Variants in LAMC1 observed in about 807,000 individuals in gnomAD.
The protein encoded by LAMC1 is laminin subunit gamma-1.
LAMC1 carries 38 observed loss-of-function variants against 173.6 expected under a neutral mutation model. The observed-to-expected ratio is 0.22, with a 90% CI of 0.17 to 0.29. The LOEUF is 0.29. Ranked by LOEUF, LAMC1 falls within the 10% of genes least tolerant of loss-of-function variation. The pLI is 1.00. For missense variants in LAMC1, 1,824 were observed against 2,051.8 expected, an observed-to-expected ratio of 0.89 and a Z score of 2.14; for synonymous variants, 746 against 749.1, an observed-to-expected ratio of 1.00 and a Z score of 0.07.
chr1:183,125,328 G>C, intron 14 of LAMC1, 69 bp from the exon 15 acceptor site: 4 of 1,542,040 alleles, frequency 2.6e-6, no homozygotes, highest in Non-Finnish European at 3.6e-6. Context: ...AATCTCTTTA[G>C]GTTGTTTATA....
intron 1 of LAMC1, among the ~76,000 whole-genome samples, chr1:183,058,375 C>A (rs1654653214): frequency 6.6e-6 from 1 of 151,988 alleles, no homozygotes; most frequent in Non-Finnish European, 1.5e-5. Context: ...TGATAAAGAC[C>A]CATCTATGGT....
intron 4 of LAMC1, among the ~76,000 whole-genome samples, chr1:183,113,577 G>A (rs1271044004): frequency 6.6e-6 from 1 of 152,166 alleles, no homozygotes; most frequent in Admixed American, 6.5e-5. Flanking sequence ...ATATGGTTGT[G>A]CCCTGCAGGG....
In LAMC1 at chr1:183,103,461, C is replaced by T. The variant is rs754985806; in HGVS notation, c.552C>T (p.Asn184=). ...PYQYYSGSCE[N]TYSKANRGFI... ...AGTACTACAGTGGTTCCTGTGAGAA[C>T]ACCTACTCCAAGGCAAACCGCGGCT... The change falls in exon 2 of 28, where the codon AAC becomes AAT. Residue 184 remains asparagine, a synonymous_variant. Transcript: ENST00000258341. 1.2e-6 allele frequency: 2 copies of T among 1,614,200 alleles called. No homozygotes were observed. Among genetic ancestry groups the T allele is most frequent in the Non-Finnish European group, 8.5e-7 (1 of 1,180,038 alleles).
intron 1 of LAMC1, among the ~76,000 whole-genome samples, chr1:183,032,632 C>T (rs1174253412): frequency 2.0e-5 from 3 of 152,182 alleles, no homozygotes; most frequent in Non-Finnish European, 4.4e-5. Context: ...AAGTGATCCT[C>T]TTGCCTTGGC....
intron 1 of LAMC1, among the ~76,000 whole-genome samples, chr1:183,090,088 T>G (rs1478581929): frequency 2.6e-5 from 4 of 152,242 alleles, no homozygotes; most frequent in Admixed American, 6.5e-5. Context: ...TTCTCAGAAC[T>G]TTTTTGTCTA....
At chr1:183,121,630 T>A in intron 11 of LAMC1, 93 bp from the exon 12 acceptor site, 1 of 1,046,562 alleles carries the variant, frequency 9.6e-7, no homozygotes, top group Admixed American at 2.6e-5. Flanking sequence ...TTCTCTGGAA[T>A]TTGGGGTCTA....
intron 11 of LAMC1, among the ~76,000 whole-genome samples, chr1:183,120,712 A>T (rs565817179): frequency 1.3e-5 from 2 of 152,366 alleles, no homozygotes; most frequent in South Asian, 4.1e-4. Flanking sequence ...GTCTAAGGCA[A>T]TATAAGGTTT....
intron 1 of LAMC1, among the ~76,000 whole-genome samples, chr1:183,098,608 GCT>G: frequency 6.6e-6 from 1 of 152,190 alleles, no homozygotes; most frequent in East Asian, 1.9e-4. Flanking sequence ...CTTTACATTG[GCT>G]ATTATAAAGT....
At chr1:183,100,870 G>T (rs1655818583) in intron 1 of LAMC1, among the ~76,000 whole-genome samples, 1 of 152,176 alleles carries the variant, frequency 6.6e-6, no homozygotes, top group Admixed American at 6.5e-5. Context: ...AAGAAAGGTA[G>T]CCCTGCAAAT....
intron 21 of LAMC1, 32 bp from the exon 22 acceptor site, chr1:183,133,374 A>G: frequency 6.3e-7 from 1 of 1,583,974 alleles, no homozygotes; most frequent in Non-Finnish European, 8.6e-7. Context: ...AGCAGCTAAG[A>G]TTGTCATTAA....
chr1:183,104,395 A>G (rs558658626), intron 2 of LAMC1, among the ~76,000 whole-genome samples: 2 of 152,256 alleles, frequency 1.3e-5, no homozygotes, highest in South Asian at 2.1e-4. Context: ...TGTCCTGGCT[A>G]TTTGATTATG....
intron 1 of LAMC1, among the ~76,000 whole-genome samples, chr1:183,037,188 G>A (rs1654006161): frequency 6.6e-6 from 1 of 152,328 alleles, no homozygotes; most frequent in Non-Finnish European, 1.5e-5. Flanking sequence ...TGAATTTCAG[G>A]ATGAGGTCCT....
intron 1 of LAMC1, among the ~76,000 whole-genome samples, chr1:183,097,292 T>C (rs1655718033): frequency 6.6e-6 from 1 of 152,216 alleles, no homozygotes; most frequent in Non-Finnish European, 1.5e-5. Flanking sequence ...GTGCTACAAC[T>C]TTATTAAAGT....
At chr1:183,058,382 T>C (rs1654653635) in intron 1 of LAMC1, among the ~76,000 whole-genome samples, 1 of 152,224 alleles carries the variant, frequency 6.6e-6, no homozygotes, top group African/African-American at 2.4e-5. Flanking sequence ...GACCCATCTA[T>C]GGTTATTTCA....
intron 1 of LAMC1, among the ~76,000 whole-genome samples, chr1:183,043,147 A>G (rs1166737548): frequency 6.6e-6 from 1 of 152,152 alleles, no homozygotes; most frequent in Non-Finnish European, 1.5e-5. Context: ...TTAACCATTA[A>G]TTAGGTGTCC....
chr1:183,038,741 C>T (rs1010580444), intron 1 of LAMC1, among the ~76,000 whole-genome samples: 9 of 152,144 alleles, frequency 5.9e-5, no homozygotes, highest in African/African-American at 1.4e-4. Context: ...TCAAAATCCT[C>T]GACCATTTTA....
chr1:183,127,749 A>G (rs1656660607), intron 17 of LAMC1, among the ~76,000 whole-genome samples: 1 of 152,204 alleles, frequency 6.6e-6, no homozygotes, highest in South Asian at 2.1e-4. Context: ...CCTGGTATAC[A>G]GAGGCCTGAA....
chr1:183,139,162 A>T (rs1194922379), intron 26 of LAMC1, among the ~76,000 whole-genome samples: 2 of 152,242 alleles, frequency 1.3e-5, no homozygotes, highest in African/African-American at 4.8e-5. Context: ...AAAAGAAAAC[A>T]GTATATTCTT....
Position 183,126,176 on chromosome 1 carries a change from A to G in LAMC1, c.2858A>G (p.Gln953Arg). 4 of 1,614,246 alleles carry G rather than the reference A, an allele frequency of 2.5e-6. No homozygotes were observed. The highest frequency in any genetic ancestry group is 3.4e-6 in the Non-Finnish European group (4 of 1,180,034). ...TNGQCDIRTG[Q>R]CECQPGITGQ... ...GGGCAGTGTGACATCCGCACCGGCC[A>G]GTGTGAGTGCCAGCCCGGCATCACT... The change falls in exon 16 of 28, where the codon CAG becomes CGG. Residue 953 changes from glutamine (Q) to arginine (R), a missense_variant. Transcript: ENST00000258341.
Sources: gnomAD v4.1 joint callset for allele counts (sites outside exome capture counted in the v4.1 genomes callset) on GRCh38, gnomAD v4.1.1 for gene constraint, MANE v1.5 for transcripts, NCBI Gene and HGNC (gene_info 2026-07-23, HGNC 2026-07-21) for gene names.